PDE8B: variants seen among roughly 807,000 people sequenced by gnomAD.
The protein encoded by PDE8B is phosphodiesterase 8B.
PDE8B carries 26 observed loss-of-function variants against 101.3 expected under a neutral mutation model. That is an observed-to-expected ratio of 0.26 (90% CI 0.19 to 0.36). The LOEUF (loss-of-function observed/expected upper bound fraction) is 0.36. PDE8B is among the 10% of genes least tolerant of loss of function. The probability of loss-of-function intolerance (pLI) is 1.00; values close to 1 mark genes in which losing one functional copy is unlikely to be tolerated. For missense variants in PDE8B, 810 were observed against 1,163.1 expected, an observed-to-expected ratio of 0.70 and a Z score of 4.42; for synonymous variants, 424 against 429.3, an observed-to-expected ratio of 0.99 and a Z score of 0.15.
At position 77,426,446 on chromosome 5, in the gene PDE8B, C is replaced by G. The variant is rs750665798; in HGVS notation, c.2550C>G (p.Ala850=). The G allele has an allele frequency of 6.2e-7, 1 of 1,603,562 alleles. No individual in the cohort carries two copies. Among genetic ancestry groups the G allele is most frequent in the South Asian group, 1.1e-5 (1 of 90,816 alleles). Residue 850 remains alanine, a splice_region_variant and synonymous_variant, in exon 22 of 22, where the codon GCC becomes GCG. Transcript: ENST00000264917. The part of the protein sequence containing the change: ...FITDMFDAWD[A]FAHLPALMQH... ...TTTGATTCTTTTCTGTCTTTGCAGC[C>G]TTTGCACATCTGCCAGCCCTGATGC...
intron 10 of PDE8B, among the ~76,000 whole-genome samples, chr5:77,373,010 AGAGT>A (rs1785337099): frequency 6.7e-6 from 1 of 148,802 alleles, no homozygotes; most frequent in African/African-American, 2.5e-5. Context: ...CCTGGGCGAC[AGAGT>A]GAGACTTCAT....
chr5:77,321,950 A>T (rs1193945026), intron 2 of PDE8B, among the ~76,000 whole-genome samples: 1 of 152,126 alleles, frequency 6.6e-6, no homozygotes, highest in Non-Finnish European at 1.5e-5. Context: ...GAGGCACAGC[A>T]TGCCACCCAG....
the PDE8B span, among the ~76,000 whole-genome samples, chr5:77,135,473 ATTTTTTTTTT>A: frequency 8.2e-6 from 1 of 121,534 alleles, no homozygotes; most frequent in Non-Finnish European, 1.7e-5. Context: ...AGCCAGAGGA[ATTTTTTTTTT>A]TTTTTTTTTT....
intron 12 of PDE8B, among the ~76,000 whole-genome samples, chr5:77,405,710 C>A (rs1581523993): frequency 6.6e-6 from 1 of 152,206 alleles, no homozygotes; most frequent in South Asian, 2.1e-4. Flanking sequence ...AGTGCAGTGT[C>A]ACATGAACCA....
intron 11 of PDE8B, among the ~76,000 whole-genome samples, chr5:77,403,823 CT>C (rs201207123): frequency 4.5e-4 from 66 of 146,224 alleles, no homozygotes; most frequent in African/African-American, 4.0e-4. Flanking sequence ...TTCTTAAATT[CT>C]TTTTTTTTTT....
chr5:77,157,508 A>C, the PDE8B span, among the ~76,000 whole-genome samples: 1 of 152,232 alleles, frequency 6.6e-6, no homozygotes, highest in Non-Finnish European at 1.5e-5. Flanking sequence ...GGCTGTGAAG[A>C]CTAGTTAAGA....
At chr5:77,093,137 A>G in the PDE8B span, among the ~76,000 whole-genome samples, 9 of 152,270 alleles carry the variant, frequency 5.9e-5, no homozygotes, top group African/African-American at 2.2e-4. Flanking sequence ...TCTATTTTTG[A>G]AAGAGTTTGT....
At chr5:77,114,692 A>G in the PDE8B span, 3 of 152,384 alleles carry the variant, frequency 2.0e-5, no homozygotes, top group South Asian at 2.1e-4. Flanking sequence ...TTTAAAATCT[A>G]TAATAGACGA....
rs149142435 is a variant in PDE8B, at chr5:77,379,939, A to G, written c.1168-20309A>G. ...CTCTTTATCCAGCATTCAGACTCCAATTCATCAAAGCAGTCTTGTCACAAA... is the reference window on the plus strand; with the variant it reads ...CTCTTTATCCAGCATTCAGACTCCAGTTCATCAAAGCAGTCTTGTCACAAA... On this transcript the variant is annotated intron_variant, in intron 10 of 21. Coordinates refer to ENST00000264917, the MANE Select transcript of PDE8B (RefSeq NM_003719.5). Among the ~76,000 whole-genome samples the G allele has an allele frequency of 2.0e-3, 305 of 152,334 alleles. 4 individuals are homozygous for G. The highest frequency in any genetic ancestry group is 7.0e-3 in the African/African-American group (293 of 41,572).
the PDE8B span, among the ~76,000 whole-genome samples, chr5:77,131,565 C>A: frequency 6.6e-6 from 1 of 152,218 alleles, no homozygotes; most frequent in Non-Finnish European, 1.5e-5. Context: ...CATTCATCAA[C>A]TTGTCAAATA....
At chr5:77,252,333 C>T (rs997718802) in intron 1 of PDE8B, among the ~76,000 whole-genome samples, 1 of 152,228 alleles carries the variant, frequency 6.6e-6, no homozygotes, top group Non-Finnish European at 1.5e-5. Flanking sequence ...ATAAGAAGCT[C>T]AGTTTTACAA....
At chr5:77,146,934 C>T in the PDE8B span, 5 of 454,562 alleles carry the variant, frequency 1.1e-5, no homozygotes, top group African/African-American at 1.0e-4. Flanking sequence ...CTGGCCTATC[C>T]ATTGGTGAGT....
intron 1 of PDE8B, among the ~76,000 whole-genome samples, chr5:77,215,376 G>A (rs1749456693): frequency 6.6e-6 from 1 of 152,208 alleles, no homozygotes; most frequent in Non-Finnish European, 1.5e-5. Flanking sequence ...AGTCCTGCAA[G>A]CTGATTTCAT....
chr5:77,329,192 C>T, intron 4 of PDE8B, 135 bp downstream of exon 4: 1 of 715,062 alleles, frequency 1.4e-6, no homozygotes, highest in South Asian at 1.5e-5. Flanking sequence ...AGATCTTGAT[C>T]TTGCTTTGGG....
the PDE8B span, among the ~76,000 whole-genome samples, chr5:77,182,081 T>C: frequency 6.6e-6 from 1 of 152,008 alleles, no homozygotes; most frequent in Non-Finnish European, 1.5e-5. Flanking sequence ...AGCTCAGTGG[T>C]ACCACTGACC....
At chr5:77,406,114 C>T (rs891058006) in intron 12 of PDE8B, among the ~76,000 whole-genome samples, 4 of 151,982 alleles carry the variant, frequency 2.6e-5, no homozygotes, top group African/African-American at 9.7e-5. Flanking sequence ...TGGTGAAACC[C>T]CCTCTCTACT....
the PDE8B span, among the ~76,000 whole-genome samples, chr5:77,203,590 G>A: frequency 4.6e-5 from 7 of 152,180 alleles, no homozygotes; most frequent in Non-Finnish European, 8.8e-5. Flanking sequence ...TTAAATTCAC[G>A]TCCTCTGAGA....
chr5:77,341,558 A>G (rs910683684), intron 6 of PDE8B, among the ~76,000 whole-genome samples: 13 of 152,212 alleles, frequency 8.5e-5, no homozygotes, highest in Non-Finnish European at 1.6e-4. Context: ...TTGTCATTTG[A>G]TAAAATGTGT....
chr5:77,389,389 G>A (rs1157904532), intron 10 of PDE8B, among the ~76,000 whole-genome samples: 2 of 152,082 alleles, frequency 1.3e-5, no homozygotes, highest in Non-Finnish European at 2.9e-5. Flanking sequence ...CTCACCCTCC[G>A]TGGGCTGCAC....
Sources: allele counts gnomAD v4.1 joint callset (sites outside exome capture counted in the v4.1 genomes callset), GRCh38; gene constraint gnomAD v4.1.1; transcripts MANE v1.5; gene names NCBI Gene and HGNC (gene_info 2026-07-23, HGNC 2026-07-21).